THSD7A: variants seen among roughly 807,000 people sequenced by gnomAD.
THSD7A encodes thrombospondin type-1 domain-containing protein 7A.
THSD7A carries 96 observed loss-of-function variants against 231.3 expected under a neutral mutation model. The ratio of observed to expected loss-of-function variants is 0.41; its 90% CI spans 0.35 to 0.49. THSD7A has a LOEUF of 0.49. THSD7A is among the 20% of genes least tolerant of loss of function. The pLI, the probability that THSD7A is intolerant of heterozygous loss-of-function variation, is 0.05. For synonymous variants in THSD7A, 940 were observed against 743.3 expected, an observed-to-expected ratio of 1.26 and a Z score of -4.30; for missense variants, 2,290 against 2,070.2, an observed-to-expected ratio of 1.11 and a Z score of -2.06.
At chr7:11,388,909 T>C (rs1422629697) in intron 23 of THSD7A, among the ~76,000 whole-genome samples, 4 of 152,156 alleles carry the variant, frequency 2.6e-5, no homozygotes, top group Non-Finnish European at 4.4e-5. Context: ...CATGTAGTTG[T>C]GCAGTTTTGA....
At chr7:11,534,022 T>C (rs1246595767) in intron 6 of THSD7A, among the ~76,000 whole-genome samples, 2 of 152,182 alleles carry the variant, frequency 1.3e-5, no homozygotes, top group African/African-American at 2.4e-5. Context: ...TAGTGGAAGA[T>C]ACCTTGTTCT....
chr7:11,585,835 C>G (rs1254172667), intron 4 of THSD7A, among the ~76,000 whole-genome samples: 1 of 152,086 alleles, frequency 6.6e-6, no homozygotes, highest in Admixed American at 6.6e-5. Flanking sequence ...GTGAACATCT[C>G]TGAGGCATGT....
intron 2 of THSD7A, among the ~76,000 whole-genome samples, chr7:11,630,936 T>C (rs1004297299): frequency 6.6e-6 from 1 of 152,202 alleles, no homozygotes; most frequent in Non-Finnish European, 1.5e-5. Flanking sequence ...TGTTGCAGTC[T>C]GGAGATGGCT....
chr7:11,456,736 C>T (rs1426735440), intron 11 of THSD7A, among the ~76,000 whole-genome samples: 1 of 151,688 alleles, frequency 6.6e-6, no homozygotes, highest in South Asian at 2.1e-4. Context: ...CAGCCATAGG[C>T]AATATGTAAA....
At chr7:11,624,236 C>T (rs894882258) in intron 2 of THSD7A, among the ~76,000 whole-genome samples, 23 of 152,066 alleles carry the variant, frequency 1.5e-4, no homozygotes, top group Admixed American at 3.3e-4. Context: ...ATTATAACCA[C>T]GACCTTACTT....
chr7:11,648,887 A>C (rs144597003), intron 1 of THSD7A, among the ~76,000 whole-genome samples: 251 of 152,062 alleles, frequency 1.7e-3, no homozygotes, highest in African/African-American at 5.7e-3. Flanking sequence ...ACCAATAAAT[A>C]GACTGTGGCA....
At chr7:11,501,917 A>C (rs1380492436) in intron 6 of THSD7A, among the ~76,000 whole-genome samples, 1 of 152,128 alleles carries the variant, frequency 6.6e-6, no homozygotes. Flanking sequence ...AAAGCCAAAT[A>C]AACCCAATTA....
chr7:11,749,649 A>C (rs1030373322), intron 1 of THSD7A, among the ~76,000 whole-genome samples: 3 of 151,980 alleles, frequency 2.0e-5, no homozygotes, highest in African/African-American at 4.8e-5. Flanking sequence ...TGGAAACTTG[A>C]GAAGATAGGT....
intron 6 of THSD7A, among the ~76,000 whole-genome samples, chr7:11,527,103 G>A (rs1788506905): frequency 6.6e-6 from 1 of 152,118 alleles, no homozygotes; most frequent in African/African-American, 2.4e-5. Context: ...CTAATGGAAT[G>A]CATACCATAG....
chr7:11,687,776 C>A (rs1394992983), intron 1 of THSD7A, among the ~76,000 whole-genome samples: 2 of 151,882 alleles, frequency 1.3e-5, no homozygotes, highest in African/African-American at 4.8e-5. Context: ...TGATTACACA[C>A]AGTGGCTAAT....
At chr7:11,780,542 G>A (rs1199829749) in intron 1 of THSD7A, among the ~76,000 whole-genome samples, 1 of 152,128 alleles carries the variant, frequency 6.6e-6, no homozygotes, top group Non-Finnish European at 1.5e-5. Context: ...AACATGCTAA[G>A]CATGTGAGTG....
chr7:11,700,587 G>A (rs191286301), intron 1 of THSD7A, among the ~76,000 whole-genome samples: 49 of 151,338 alleles, frequency 3.2e-4, no homozygotes, highest in Non-Finnish European at 5.8e-4. Context: ...TAAAATTGTA[G>A]TTGGAGTGTT....
At chr7:11,779,662 A>G (rs937561080) in intron 1 of THSD7A, among the ~76,000 whole-genome samples, 1 of 152,104 alleles carries the variant, frequency 6.6e-6, no homozygotes, top group Admixed American at 6.5e-5. Flanking sequence ...CTCAATGTCT[A>G]TTTTTGTTTT....
At chr7:11,757,416 T>C (rs1003284068) in intron 1 of THSD7A, among the ~76,000 whole-genome samples, 3 of 152,050 alleles carry the variant, frequency 2.0e-5, no homozygotes, top group African/African-American at 7.2e-5. Flanking sequence ...TACCTTTGTA[T>C]ACTTTCACAA....
At chr7:11,520,147 T>C (rs531498856) in intron 6 of THSD7A, 1 of 152,338 alleles carries the variant, frequency 6.6e-6, no homozygotes, top group South Asian at 2.1e-4. Flanking sequence ...CTTTTGAAAA[T>C]CTGTAACAAC....
chr7:11,531,731 A>G (rs951993261), intron 6 of THSD7A, among the ~76,000 whole-genome samples: 2 of 152,234 alleles, frequency 1.3e-5, no homozygotes, highest in Admixed American at 1.3e-4. Context: ...TGGAGAAAAG[A>G]TGATGAGTTT....
chr7:11,793,458 C>A (rs1784020965), intron 1 of THSD7A, among the ~76,000 whole-genome samples: 5 of 151,362 alleles, frequency 3.3e-5, no homozygotes, highest in Admixed American at 3.3e-4. Flanking sequence ...AATAAATAAG[C>A]AAAAACTGAA....
At chr7:11,439,230 A>G (rs966288388) in intron 13 of THSD7A, among the ~76,000 whole-genome samples, 14 of 152,036 alleles carry the variant, frequency 9.2e-5, no homozygotes, top group African/African-American at 3.4e-4. Flanking sequence ...TGATAAAGAA[A>G]CAATGTAAGT....
chr7:11,540,928 C>T (rs1789119575), intron 6 of THSD7A, among the ~76,000 whole-genome samples: 1 of 152,050 alleles, frequency 6.6e-6, no homozygotes, highest in Non-Finnish European at 1.5e-5. Context: ...CTGTGGTAGG[C>T]CTCGTGGATT....
Sources: gnomAD v4.1 joint callset for allele counts (sites outside exome capture counted in the v4.1 genomes callset) on GRCh38, gnomAD v4.1.1 for gene constraint, MANE v1.5 for transcripts, NCBI Gene and HGNC (gene_info 2026-07-23, HGNC 2026-07-21) for gene names.